VWA5B1: variants seen among roughly 807,000 people sequenced by gnomAD.
VWA5B1 encodes the protein von Willebrand factor A domain containing 5B1, also known as von Willebrand factor A domain-containing protein 5B1.
A neutral mutation model predicts 118.2 loss-of-function variants in VWA5B1; 115 were observed. The observed-to-expected ratio is 0.97, with a 90% CI of 0.84 to 1.14. The LOEUF is 1.14. Ranked by LOEUF, VWA5B1 falls within the 50% of genes most tolerant of loss-of-function variation. The pLI is 0.00. For synonymous variants in VWA5B1, 682 were observed against 658.4 expected (o/e 1.04, Z -0.55); for missense variants, 1,596 against 1,603.8 (o/e 1.00, Z 0.08).
In VWA5B1 at chr1:20,315,468, T is replaced by C. The variant is rs1389201058; in HGVS notation, c.563+876T>C. 2.0e-5 allele frequency among the ~76,000 whole-genome samples: 3 copies of C among 152,114 alleles called. No individual in the cohort carries two copies. In the East Asian group the frequency reaches 5.8e-4, roughly 29 times the overall value. On this transcript the variant is annotated intron_variant, in intron 4 of 21. Transcript: ENST00000289815. ...GGAGGGAAAAGGAGGTGGGTCACAG[T>C]CCAAGGCACTTACAGCTGAGATCAT...
At chr1:20,304,142 A>G (rs2088576948) in intron 1 of VWA5B1, among the ~76,000 whole-genome samples, 1 of 152,226 alleles carries the variant, frequency 6.6e-6, no homozygotes. Context: ...TTCAGAACTC[A>G]CAGCCCCATG....
chr1:20,319,323 C>T (rs2100872355), intron 6 of VWA5B1, 59 bp from the exon 7 acceptor site: 6 of 1,542,954 alleles, frequency 3.9e-6, no homozygotes, highest in Non-Finnish European at 5.3e-6. Flanking sequence ...ACCAAAGCCC[C>T]CAGCATCCTT....
chr1:20,314,680 G>C, intron 4 of VWA5B1, 88 bp downstream of exon 4: 3 of 1,487,458 alleles, frequency 2.0e-6, no homozygotes, highest in Non-Finnish European at 2.7e-6. Flanking sequence ...AGGGTGGGGG[G>C]AGACAGGGAG....
intron 12 of VWA5B1, among the ~76,000 whole-genome samples, chr1:20,335,570 C>T (rs1192019271): frequency 6.6e-6 from 1 of 152,158 alleles, no homozygotes. Flanking sequence ...TAATAGGCTA[C>T]TGTTGACTGG....
chr1:20,348,447 T>G, intron 18 of VWA5B1, 89 bp downstream of exon 18: 1 of 1,337,198 alleles, frequency 7.5e-7, no homozygotes, highest in Non-Finnish European at 1.0e-6. Context: ...TCCGAGGCCC[T>G]AGGACCACTC....
At chr1:20,332,305 C>A (rs2089580314) in intron 11 of VWA5B1, among the ~76,000 whole-genome samples, 1 of 151,826 alleles carries the variant, frequency 6.6e-6, no homozygotes, top group African/African-American at 2.4e-5. Flanking sequence ...TTTGGTGAAA[C>A]CCCGTCTCTA....
In VWA5B1 at chr1:20,297,996, A is replaced by ATTTTTTTTTTT. The variant is rs60497976; in HGVS notation, c.-27+6920_-27+6930dup. On this transcript the variant is annotated intron_variant, in intron 1 of 21. Transcript: ENST00000289815. ...GATTACTTTCATGACTCGGTGGTGG[A>ATTTTTTTTTTT]TTTTTTTTTTTTTTTTTTTTTTGTT... is the stretch of plus-strand genomic sequence containing the variant. 8.8e-4 allele frequency among the ~76,000 whole-genome samples: 112 copies of ATTTTTTTTTTT among 126,636 alleles called. 1 individual carries two copies. Among genetic ancestry groups the ATTTTTTTTTTT allele is most frequent in the African/African-American group, 1.2e-3 (41 of 33,626 alleles). The allele number at this position is 126,636 out of a possible 152,430, so 83.1% of individuals were successfully genotyped here.
chr1:20,323,680 TC>T, intron 8 of VWA5B1, 148 bp downstream of exon 8: 2 of 877,376 alleles, frequency 2.3e-6, no homozygotes, highest in Non-Finnish European at 3.1e-6. Flanking sequence ...TCCATTTGCA[TC>T]CCCATAAAAA....
In VWA5B1 at chr1:20,356,537, A is replaced by G. The variant is rs2090232990; in HGVS notation, c.*2274A>G. On this transcript the variant is annotated 3_prime_UTR_variant, in exon 22 of 22. Transcript: ENST00000289815. ...CCAGGCCTCAGCCTGGACAATGGCC[A>G]GGGCTTGAGGTGAACCGGTCTCTGC... Among the ~76,000 whole-genome samples, 1 of 152,206 alleles carries G rather than the reference A, an allele frequency of 6.6e-6. No homozygotes were observed. The highest frequency in any genetic ancestry group is 1.5e-5 in the Non-Finnish European group (1 of 68,044).
rs540467464 is a variant in VWA5B1, at chr1:20,312,721, A to G, written c.140-115A>G. 100 of 1,345,504 alleles carry G rather than the reference A, an allele frequency of 7.4e-5. No individual in the cohort carries two copies. In the African/African-American group the frequency reaches 1.2e-3, roughly 16 times the overall value. 83.3% of individuals were successfully genotyped at this position (1,345,504 alleles called of 1,614,324 possible). On this transcript the variant is annotated intron_variant, in intron 2 of 21. Coordinates refer to ENST00000289815, the MANE Select transcript of VWA5B1 (RefSeq NM_001039500.3). The stretch of plus-strand genomic sequence containing the variant: ...CTCTGCCGAGGCCTCTCGGCATCCA[A>G]TAAGCGGCAGTGGGCACCACCCAAC...
intron 5 of VWA5B1, 161 bp from the exon 6 acceptor site, chr1:20,318,429 G>A (rs1557842727): frequency 3.1e-6 from 3 of 977,878 alleles, no homozygotes; most frequent in East Asian, 2.6e-5. Context: ...TACAGGTGGG[G>A]AAATTGAGGC....
rs1341826655 is a variant in VWA5B1 at position 20,330,322 on chromosome 1, G to C, written c.1397G>C (p.Gly466Ala). The change falls in exon 10 of 22, where the codon GGC (glycine) becomes GCC (alanine). Residue 466 changes from glycine (G) to alanine (A), a missense_variant. Gly to Ala is a moderately conservative substitution (Grantham distance 60, BLOSUM62 0). Coordinates refer to ENST00000289815, the MANE Select transcript of VWA5B1 (RefSeq NM_001039500.3). ...HPRLLFVITDGAVNNTGKVLE... is the reference protein window; with the variant it reads ...HPRLLFVITDAAVNNTGKVLE... ...CGGCTCCTCTTCGTGATCACAGATG[G>C]CGCTGTCAACAACACAGGGAAGGTG... 6.4e-7 allele frequency: 1 copy of C among 1,551,814 alleles called. No homozygotes were observed. The highest frequency in any genetic ancestry group is 1.4e-5 in the African/African-American group (1 of 73,176).
intron 9 of VWA5B1, 34 bp downstream of exon 9, chr1:20,328,034 G>C: frequency 6.5e-7 from 1 of 1,533,406 alleles, no homozygotes; most frequent in South Asian, 1.2e-5. Flanking sequence ...CCAGGAGGGT[G>C]GTGCATGGTG....
intron 17 of VWA5B1, 24 bp downstream of exon 17, chr1:20,345,617 G>T: frequency 6.6e-7 from 1 of 1,525,536 alleles, no homozygotes; most frequent in Non-Finnish European, 8.8e-7. Flanking sequence ...GCGGCCGGGG[G>T]CACTCCTGGG....
At chr1:20,319,607 G>A in intron 7 of VWA5B1, 101 bp downstream of exon 7, 1 of 1,483,326 alleles carries the variant, frequency 6.7e-7, no homozygotes, top group Non-Finnish European at 9.0e-7. Flanking sequence ...ACCTGCCCGA[G>A]GTCATCCAGC....
chr1:20,321,113 C>CAAAAAAAA lies in VWA5B1; in HGVS notation c.966+1616_966+1623dup, dbSNP rs4062863. 1.0e-3 allele frequency among the ~76,000 whole-genome samples: 95 copies of CAAAAAAAA among 94,138 alleles called. 4 individuals are homozygous for CAAAAAAAA. The highest frequency in any genetic ancestry group is 3.8e-3 in the African/African-American group (87 of 23,198). 61.8% of individuals were successfully genotyped at this position (94,138 alleles called of 152,430 possible). A position where few individuals can be genotyped will look rare whatever the true frequency, so the allele number is the denominator to read the frequency against. ...ACAGAGATGCCAAGAGTAACAGAGG[C>CAAAAAAAA]AAAAAAAAAAAAAAAACACGAAAAG... On this transcript the variant is annotated intron_variant, in intron 7 of 21. Transcript: ENST00000289815.
chr1:20,343,223 A>G lies in VWA5B1; in HGVS notation c.2456A>G (p.Asp819Gly). Reference protein sequence around the residue: ...LGKALVKGLHDSQRLQWEVSF... With the variant: ...LGKALVKGLHGSQRLQWEVSF... ...AAGGCCCTGGTCAAAGGCCTGCACG[A>G]CAGCCAACGCCTGCAGTGGGAGGTG... is the stretch of plus-strand genomic sequence containing the variant. Residue 819 changes from aspartate to glycine, a missense_variant, in exon 16 of 22, where the codon GAC becomes GGC. Asp to Gly is a moderately conservative substitution (Grantham distance 94, BLOSUM62 -1). Transcript: ENST00000289815. 1 of 1,549,500 alleles carries G rather than the reference A, an allele frequency of 6.5e-7. No individual in the cohort carries two copies. The highest frequency in any genetic ancestry group is 8.7e-7 in the Non-Finnish European group (1 of 1,146,760).
At chr1:20,297,012 A>C (rs1241007525) in intron 1 of VWA5B1, among the ~76,000 whole-genome samples, 1 of 152,224 alleles carries the variant, frequency 6.6e-6, no homozygotes, top group East Asian at 1.9e-4. Context: ...TTCAGCATTT[A>C]ATGAGCACCT....
intron 10 of VWA5B1, 80 bp from the exon 11 acceptor site, chr1:20,330,789 T>C: frequency 2.2e-6 from 3 of 1,376,216 alleles, no homozygotes; most frequent in Admixed American, 2.0e-5. Context: ...TGCCAGACCA[T>C]GCTCTGTCCC....
Sources: allele counts gnomAD v4.1 joint callset (sites outside exome capture counted in the v4.1 genomes callset), GRCh38; gene constraint gnomAD v4.1.1; transcripts MANE v1.5; gene names NCBI Gene and HGNC (gene_info 2026-07-23, HGNC 2026-07-21).